Variants in TAF4B observed in about 807,000 individuals in gnomAD.
TAF4B encodes the protein TATA-box binding protein associated factor 4b.
In TAF4B, 38 loss-of-function variants were observed where a neutral mutation model predicts 86.4. That is an observed-to-expected ratio of 0.44 (90% CI 0.34 to 0.58). TAF4B has a LOEUF of 0.58. TAF4B is among the 20% of genes least tolerant of loss of function. TAF4B has a pLI of 0.02. For synonymous variants in TAF4B, 388 were observed against 391.2 expected (o/e 0.99, Z 0.10); for missense variants, 988 against 1,027.6 (o/e 0.96, Z 0.53).
chr18:26,285,776 T>G, intron 6 of TAF4B, 106 bp from the exon 7 acceptor site: 3 of 1,336,742 alleles, frequency 2.2e-6, no homozygotes, highest in Non-Finnish European at 3.1e-6. Context: ...AAATACTTGA[T>G]ACACTTTTGA....
At chr18:26,272,755 T>G (rs2056337079) in intron 3 of TAF4B, among the ~76,000 whole-genome samples, 1 of 152,116 alleles carries the variant, frequency 6.6e-6, no homozygotes, top group South Asian at 2.1e-4. Context: ...AGAAAGAGGC[T>G]TATTTACTGT....
At chr18:26,380,629 T>A (rs1336555753) in intron 14 of TAF4B, among the ~76,000 whole-genome samples, 1 of 152,190 alleles carries the variant, frequency 6.6e-6, no homozygotes, top group Non-Finnish European at 1.5e-5. Context: ...TCTGCTTTGT[T>A]TTTTTAAAAG....
intron 1 of TAF4B, among the ~76,000 whole-genome samples, chr18:26,233,651 G>A (rs1051373865): frequency 6.6e-6 from 1 of 152,126 alleles, no homozygotes; most frequent in Non-Finnish European, 1.5e-5. Context: ...ATGGTTACAG[G>A]GCTGTGTATG....
chr18:26,256,542 CTGCT>C, intron 1 of TAF4B, among the ~76,000 whole-genome samples: 1 of 151,980 alleles, frequency 6.6e-6, no homozygotes, highest in East Asian at 1.9e-4. Flanking sequence ...TTCTTTTCTT[CTGCT>C]TGCTTTAGTT....
At chr18:26,234,655 A>G (rs758067797) in intron 1 of TAF4B, among the ~76,000 whole-genome samples, 11 of 152,192 alleles carry the variant, frequency 7.2e-5, no homozygotes, top group Non-Finnish European at 1.5e-4. Context: ...GGTTAAGGTC[A>G]GGATTAGCTA....
intron 10 of TAF4B, among the ~76,000 whole-genome samples, chr18:26,319,273 C>T (rs1370311391): frequency 6.6e-6 from 1 of 151,954 alleles, no homozygotes; most frequent in Non-Finnish European, 1.5e-5. Context: ...GGGCAGATCA[C>T]TTGAGGTCAG....
Position 26,390,307 on chromosome 18 carries a change from C to G in TAF4B, c.*295C>G, listed in dbSNP as rs2144420483. The G allele has an allele frequency of 3.9e-6, 1 of 255,114 alleles. No homozygotes were observed. The highest frequency in any genetic ancestry group is 2.2e-5 in the African/African-American group (1 of 44,850). The allele number at this position is 255,114 out of a possible 1,614,324, so 15.8% of individuals were successfully genotyped here. A position where few individuals can be genotyped will look rare whatever the true frequency, so the allele number is the denominator to read the frequency against. On this transcript the variant is annotated 3_prime_UTR_variant, in exon 15 of 15. Coordinates refer to ENST00000269142, the MANE Select transcript of TAF4B (RefSeq NM_005640.3). ...TAAGGCCCTATTTGTTACTACCTGC[C>G]TCATTTGCCAAATTGTAGCAGGTGA...
chr18:26,234,503 C>T (rs1346200361), intron 1 of TAF4B, among the ~76,000 whole-genome samples: 2 of 152,196 alleles, frequency 1.3e-5, no homozygotes, highest in African/African-American at 2.4e-5. Context: ...TTCTAAGGCT[C>T]GGGTAAGTGC....
chr18:26,316,229 C>G (rs2056910397), intron 10 of TAF4B, among the ~76,000 whole-genome samples: 1 of 152,002 alleles, frequency 6.6e-6, no homozygotes, highest in African/African-American at 2.4e-5. Flanking sequence ...AGGCTTGATA[C>G]AAAAACGTGA....
At chr18:26,313,766 A>G (rs2056875051) in intron 9 of TAF4B, among the ~76,000 whole-genome samples, 2 of 152,052 alleles carry the variant, frequency 1.3e-5, no homozygotes. Context: ...CCCAGGCTCA[A>G]GTGATCCTCC....
intron 1 of TAF4B, among the ~76,000 whole-genome samples, chr18:26,245,976 A>G (rs1373030621): frequency 6.6e-6 from 1 of 152,162 alleles, no homozygotes; most frequent in African/African-American, 2.4e-5. Flanking sequence ...TGCAGTTTGG[A>G]AACGTGGATT....
intron 9 of TAF4B, among the ~76,000 whole-genome samples, chr18:26,313,877 A>C (rs2056876216): frequency 6.6e-6 from 1 of 152,072 alleles, no homozygotes; most frequent in Non-Finnish European, 1.5e-5. Context: ...TATGTTGCCC[A>C]GGCTGATCTC....
intron 1 of TAF4B, among the ~76,000 whole-genome samples, chr18:26,238,506 G>T (rs756286072): frequency 6.6e-6 from 1 of 152,064 alleles, no homozygotes; most frequent in African/African-American, 2.4e-5. Context: ...TGTCTGATTG[G>T]TGAGCCCGGG....
chr18:26,256,334 C>A, intron 1 of TAF4B: 2 of 1,451,960 alleles, frequency 1.4e-6, no homozygotes, highest in South Asian at 2.3e-5. Flanking sequence ...TTCGGTACAT[C>A]TTTGGCGTGT....
chr18:26,281,967 T>C lies in TAF4B; in HGVS notation c.883-4T>C. 1 of 1,608,048 alleles carries C rather than the reference T, an allele frequency of 6.2e-7. No individual in the cohort carries two copies. Among genetic ancestry groups the C allele is most frequent in the Non-Finnish European group, 8.5e-7 (1 of 1,175,488 alleles). ...AAATTGTTTCTATTTCTCCCATCCC[T>C]CAGGATGCAAAAATCGAAGCAGAAG... On this transcript the variant is annotated splice_polypyrimidine_tract_variant and splice_region_variant and intron_variant, in intron 5 of 14. Coordinates refer to ENST00000269142, the MANE Select transcript of TAF4B (RefSeq NM_005640.3).
chr18:26,383,869 T>C (rs1245338914), intron 14 of TAF4B, among the ~76,000 whole-genome samples: 1 of 152,172 alleles, frequency 6.6e-6, no homozygotes, highest in Non-Finnish European at 1.5e-5. Flanking sequence ...AAGTTCTGCT[T>C]GTTGACCAGC....
At chr18:26,361,183 T>A (rs946261481) in intron 14 of TAF4B, among the ~76,000 whole-genome samples, 5 of 152,090 alleles carry the variant, frequency 3.3e-5, no homozygotes, top group Admixed American at 6.5e-5. Context: ...AAACTAAAAT[T>A]CTATACCCGG....
At chr18:26,296,245 C>T (rs1004354113) in intron 9 of TAF4B, among the ~76,000 whole-genome samples, 2 of 152,178 alleles carry the variant, frequency 1.3e-5, no homozygotes, top group African/African-American at 4.8e-5. Flanking sequence ...ATTTTCTCCG[C>T]TTCCAAATGG....
chr18:26,267,251 C>A, intron 2 of TAF4B: 1 of 279,756 alleles, frequency 3.6e-6, no homozygotes, highest in Non-Finnish European at 6.7e-6. Context: ...ATGTTGAATA[C>A]TGTAATATTT....
Sources: gnomAD v4.1 joint callset for allele counts (sites outside exome capture counted in the v4.1 genomes callset) on GRCh38, gnomAD v4.1.1 for gene constraint, MANE v1.5 for transcripts, NCBI Gene and HGNC (gene_info 2026-07-23, HGNC 2026-07-21) for gene names.